Variants in SYCP3 observed in about 807,000 individuals in gnomAD.
The protein encoded by SYCP3 is synaptonemal complex protein 3.
Under a neutral mutation model 38.5 loss-of-function variants are expected in SYCP3, and 29 were observed. The ratio of observed to expected loss-of-function variants is 0.75; its 90% confidence interval spans 0.56 to 1.03. The LOEUF is 1.03. Ranked by LOEUF, SYCP3 falls within the 50% of genes least tolerant of loss-of-function variation. The probability of loss-of-function intolerance (pLI) is 0.00; values close to 1 mark genes in which losing one functional copy is unlikely to be tolerated. For synonymous variants in SYCP3, 79 were observed against 80.3 expected, an observed-to-expected ratio of 0.98 and a Z score of 0.08; for missense variants, 242 against 270.7, an observed-to-expected ratio of 0.89 and a Z score of 0.74.
At position 101,728,801 on chromosome 12, in the gene SYCP3, C is replaced by T. The variant is rs1469198067; in HGVS notation, c.*126G>A. ...TGACTTAACAGAAAGGGAGGTCTTA[C>T]AATGAAACAGGTTTATGATTAAAGA... On this transcript the variant is annotated 3_prime_UTR_variant, in exon 9 of 9. Coordinates refer to ENST00000392924, the MANE Select transcript of SYCP3 (RefSeq NM_001177949.2). 12 of 1,401,958 alleles carry T rather than the reference C, an allele frequency of 8.6e-6. No homozygotes were observed. The highest frequency in any genetic ancestry group is 1.2e-5 in the Non-Finnish European group (12 of 1,012,378). 86.8% of individuals were successfully genotyped at this position (1,401,958 alleles called of 1,614,324 possible).
chr12:101,730,709 C>G, intron 7 of SYCP3: 4 of 229,836 alleles, frequency 1.7e-5, no homozygotes, highest in Non-Finnish European at 2.6e-5. Context: ...TGTCATGTTG[C>G]TCAGGCTGGT....
intron 7 of SYCP3, 58 bp downstream of exon 7, chr12:101,731,510 A>G: frequency 8.5e-7 from 1 of 1,174,148 alleles, no homozygotes; most frequent in Non-Finnish European, 1.2e-6. Flanking sequence ...ATTATCTTCT[A>G]CTTCCATAAA....
At chr12:101,738,692 C>G (rs1489417809) in intron 1 of SYCP3, among the ~76,000 whole-genome samples, 12 of 151,802 alleles carry the variant, frequency 7.9e-5, no homozygotes, top group African/African-American at 2.4e-4. Flanking sequence ...GCTGAGATGG[C>G]CCCACTGCAC....
At chr12:101,732,250 A>G (rs987659853) in intron 6 of SYCP3, 2 of 152,428 alleles carry the variant, frequency 1.3e-5, no homozygotes, top group Admixed American at 1.3e-4. Context: ...TTCTCTGTCT[A>G]TCCTAGTATT....
chr12:101,735,569 G>A (rs774153361), intron 4 of SYCP3, among the ~76,000 whole-genome samples: 3 of 151,996 alleles, frequency 2.0e-5, no homozygotes, highest in Non-Finnish European at 4.4e-5. Context: ...ACTGAGGCAG[G>A]AGAATCGCTT....
intron 7 of SYCP3, chr12:101,730,446 G>C: frequency 2.4e-6 from 1 of 413,392 alleles, no homozygotes; most frequent in South Asian, 1.8e-5. Context: ...AAGACAACAA[G>C]TTTTCCACTT....
intron 6 of SYCP3, chr12:101,733,292 G>A: frequency 2.6e-6 from 1 of 385,168 alleles, no homozygotes; most frequent in Non-Finnish European, 4.8e-6. Flanking sequence ...GGCTATGCCT[G>A]AAGCTAAACT....
intron 1 of SYCP3, among the ~76,000 whole-genome samples, chr12:101,738,180 T>C (rs996010112): frequency 6.6e-6 from 1 of 151,934 alleles, no homozygotes; most frequent in Non-Finnish European, 1.5e-5. Context: ...TCCCAGCACT[T>C]TGGAAGGTTG....
At chr12:101,735,886 A>T (rs1326455314) in intron 4 of SYCP3, among the ~76,000 whole-genome samples, 1,473 of 57,504 alleles carry the variant, frequency 0.026, 86 homozygotes, top group African/African-American at 0.11. Context: ...TTTTTTTTTA[A>T]AGACACGGGG....
intron 1 of SYCP3, among the ~76,000 whole-genome samples, chr12:101,738,383 G>A (rs1594186589): frequency 6.6e-6 from 1 of 151,186 alleles, no homozygotes; most frequent in Non-Finnish European, 1.5e-5. Flanking sequence ...AGCCAAGATC[G>A]CAGCCACTGC....
intron 4 of SYCP3, among the ~76,000 whole-genome samples, chr12:101,735,871 A>ATATATATATATATATATTTTTTTT: frequency 9.4e-5 from 7 of 74,752 alleles, no homozygotes; most frequent in East Asian, 7.7e-4. Context: ...ATATATATAT[A>ATATATATATATATATATTTTTTTT]TTTTTTTTTT....
In SYCP3 at chr12:101,737,788, TGA is replaced by T. The variant is rs769142800; in HGVS notation, c.133+13_133+14del. The stretch of plus-strand genomic sequence containing the variant: ...AACTGAAGGACATCACTGCCCAACA[TGA>T]GATGTACTGCACCTTCAATAACATC... On this transcript the variant is annotated intron_variant, in intron 2 of 8. Coordinates refer to ENST00000392924, the MANE Select transcript of SYCP3 (RefSeq NM_001177949.2). 6.2e-7 allele frequency: 1 copy of T among 1,612,100 alleles called. No homozygotes were observed. The highest frequency in any genetic ancestry group is 1.7e-5 in the Admixed American group (1 of 60,018).
rs771556804 is a variant in SYCP3, at chr12:101,737,937, T to C, written c.-2A>G. ...ATACTTTTTTCCGGAGGACACCATA[T>C]TTAGATGCTTCCTGACTTTAAAAAA... On this transcript the variant is annotated 5_prime_UTR_variant, in exon 2 of 9. Transcript: ENST00000392924. 1 of 1,614,034 alleles carries C rather than the reference T, an allele frequency of 6.2e-7. No individual in the cohort carries two copies. Among genetic ancestry groups the C allele is most frequent in the African/African-American group, 1.3e-5 (1 of 74,936 alleles).
chr12:101,733,515 G>C (rs1952269770), intron 6 of SYCP3, 60 bp downstream of exon 6: 4 of 1,442,640 alleles, frequency 2.8e-6, no homozygotes, highest in African/African-American at 2.8e-5. Context: ...ACAATAAAAG[G>C]CTAGGTTGTC....
intron 1 of SYCP3, among the ~76,000 whole-genome samples, chr12:101,738,188 T>G (rs1030124115): frequency 6.6e-6 from 1 of 151,870 alleles, no homozygotes; most frequent in South Asian, 2.1e-4. Context: ...CTTTGGAAGG[T>G]TGAGGCAGGC....
intron 1 of SYCP3, 68 bp downstream of exon 1, chr12:101,739,283 A>G: frequency 1.0e-6 from 1 of 1,002,130 alleles, no homozygotes; most frequent in Non-Finnish European, 1.2e-6. Flanking sequence ...GGTAAGATTT[A>G]CCTCACTGGT....
At position 101,728,778 on chromosome 12, in the gene SYCP3, A is replaced by G; in HGVS notation, c.*149T>C. 1 of 1,103,288 alleles carries G rather than the reference A, an allele frequency of 9.1e-7. No homozygotes were observed. Among genetic ancestry groups the G allele is most frequent in the Non-Finnish European group, 1.3e-6 (1 of 763,072 alleles). 68.3% of individuals were successfully genotyped at this position (1,103,288 alleles called of 1,614,324 possible). On this transcript the variant is annotated 3_prime_UTR_variant, in exon 9 of 9. Transcript: ENST00000392924. Reference sequence around the variant, plus strand: ...ACTAACTCATAACTATTTAGATTTGACTTAACAGAAAGGGAGGTCTTACAA... The same window carrying G: ...ACTAACTCATAACTATTTAGATTTGGCTTAACAGAAAGGGAGGTCTTACAA...
chr12:101,739,243 T>C (rs1473295076), intron 1 of SYCP3, 108 bp downstream of exon 1: 12 of 995,546 alleles, frequency 1.2e-5, no homozygotes, highest in Non-Finnish European at 1.4e-5. Context: ...GCCTCCGTTT[T>C]CTCGTCAGAG....
At chr12:101,737,679 C>A in intron 2 of SYCP3, 124 bp downstream of exon 2, 1 of 1,397,088 alleles carries the variant, frequency 7.2e-7, no homozygotes, top group Non-Finnish European at 1.0e-6. Context: ...TCTGTAACCA[C>A]AAATACCGGG....
Sources: gnomAD v4.1 joint callset for allele counts (sites outside exome capture counted in the v4.1 genomes callset) on GRCh38, gnomAD v4.1.1 for gene constraint, MANE v1.5 for transcripts, NCBI Gene and HGNC (gene_info 2026-07-23, HGNC 2026-07-21) for gene names.